LRP1B: variants seen among roughly 807,000 people sequenced by gnomAD.
The protein encoded by LRP1B is LDL receptor related protein 1B.
Under a neutral mutation model 556.6 loss-of-function variants are expected in LRP1B, and 217 were observed. The ratio of observed to expected loss-of-function variants is 0.39; its 90% CI spans 0.35 to 0.44. The LOEUF (loss-of-function observed/expected upper bound fraction) is 0.44. Among genes scored for constraint, LRP1B ranks in the 20% least tolerant of loss-of-function variants. The pLI is 1.00. For synonymous variants in LRP1B, 2,047 were observed against 1,865.8 expected, an observed-to-expected ratio of 1.10 and a Z score of -2.50; for missense variants, 5,053 against 5,620.8, an observed-to-expected ratio of 0.90 and a Z score of 3.23.
chr2:141,762,172 T>C (rs1694578411), intron 2 of LRP1B, among the ~76,000 whole-genome samples: 1 of 152,010 alleles, frequency 6.6e-6, no homozygotes, highest in Non-Finnish European at 1.5e-5. Flanking sequence ...GAAAAATAAA[T>C]GACATTTTCT....
At chr2:140,867,551 C>G (rs2105152953) in intron 27 of LRP1B, 39 bp downstream of exon 27, 1 of 1,561,804 alleles carries the variant, frequency 6.4e-7, no homozygotes, top group East Asian at 2.3e-5. Flanking sequence ...GATGATAATA[C>G]TTTCTGGGTG....
At chr2:141,688,344 T>C (rs1691388662) in intron 2 of LRP1B, among the ~76,000 whole-genome samples, 1 of 151,938 alleles carries the variant, frequency 6.6e-6, no homozygotes, top group Middle Eastern at 3.2e-3. Context: ...AAGTACCCTA[T>C]ATGGACTTAC....
intron 23 of LRP1B, among the ~76,000 whole-genome samples, chr2:140,891,470 T>C (rs75863516): frequency 0.031 from 4,726 of 152,288 alleles, 231 homozygotes; most frequent in African/African-American, 0.11. Flanking sequence ...ATATTACTGT[T>C]ACAATGTTTT....
chr2:141,426,405 T>C (rs1220997970), intron 3 of LRP1B, among the ~76,000 whole-genome samples: 4 of 152,190 alleles, frequency 2.6e-5, no homozygotes. Flanking sequence ...GTATAAAAAT[T>C]TTAACTGAAA....
At chr2:141,875,346 C>T (rs1698723684) in intron 1 of LRP1B, among the ~76,000 whole-genome samples, 1 of 151,748 alleles carries the variant, frequency 6.6e-6, no homozygotes, top group African/African-American at 2.4e-5. Context: ...TTTGACAAAG[C>T]TTGTTTTTCT....
At position 140,869,458 on chromosome 2, in the gene LRP1B, G is replaced by A. The variant is rs375151080; in HGVS notation, c.4170-1195C>T. ...ATGAGACAGTATATCTGTCTAATCA[G>A]TATATACACAGGATATACTGTACCA... is the stretch of plus-strand genomic sequence containing the variant. On this transcript the variant is annotated intron_variant, in intron 25 of 90. Coordinates refer to ENST00000389484, the MANE Select transcript of LRP1B (RefSeq NM_018557.3). Among the ~76,000 whole-genome samples, 32 of 152,224 alleles carry A rather than the reference G, an allele frequency of 2.1e-4. No individual in the cohort carries two copies. In the South Asian group the frequency reaches 6.6e-3, roughly 32 times the overall value.
chr2:140,289,075 A>C (rs1330808614), intron 84 of LRP1B, among the ~76,000 whole-genome samples: 1 of 151,964 alleles, frequency 6.6e-6, no homozygotes, highest in South Asian at 2.1e-4. Flanking sequence ...GCATTCTTAA[A>C]ATTTTTTTAT....
intron 2 of LRP1B, among the ~76,000 whole-genome samples, chr2:141,563,862 G>A (rs998208690): frequency 6.6e-6 from 1 of 151,956 alleles, no homozygotes; most frequent in South Asian, 2.1e-4. Flanking sequence ...ATAGTCACTG[G>A]GGACTCATGG....
At chr2:140,642,949 C>A (rs911107872) in intron 41 of LRP1B, among the ~76,000 whole-genome samples, 1 of 152,162 alleles carries the variant, frequency 6.6e-6, no homozygotes, top group African/African-American at 2.4e-5. Context: ...CACATATATA[C>A]AAACATAAAT....
intron 2 of LRP1B, among the ~76,000 whole-genome samples, chr2:141,578,200 C>A (rs138807082): frequency 0.013 from 1,968 of 152,132 alleles, 30 homozygotes; most frequent in Middle Eastern, 0.044. Flanking sequence ...TTGAGACCAA[C>A]CTGAACAACA....
At chr2:141,222,104 GA>G (rs1391809113) in intron 6 of LRP1B, among the ~76,000 whole-genome samples, 1 of 151,458 alleles carries the variant, frequency 6.6e-6, no homozygotes, top group Non-Finnish European at 1.5e-5. Context: ...AAATGGACAT[GA>G]AAAACCCTTG....
Position 141,177,589 on chromosome 2 carries a change from T to C in LRP1B, c.1013+10832A>G, listed in dbSNP as rs1041599466. Among the ~76,000 whole-genome samples the C allele has an allele frequency of 1.3e-5, 2 of 152,270 alleles. 1 individual carries two copies. The highest frequency in any genetic ancestry group is 4.1e-4 in the South Asian group (2 of 4,834). Reference sequence around the variant, plus strand: ...AAGTTTAAAAGCACAATATTAATAGTTGTATTAGTTACTATGTGATTGCTT... The same window carrying C: ...AAGTTTAAAAGCACAATATTAATAGCTGTATTAGTTACTATGTGATTGCTT... On this transcript the variant is annotated intron_variant, in intron 7 of 90. Transcript: ENST00000389484.
At chr2:140,309,991 C>T (rs1684229836) in intron 83 of LRP1B, among the ~76,000 whole-genome samples, 1 of 151,720 alleles carries the variant, frequency 6.6e-6, no homozygotes, top group South Asian at 2.1e-4. Context: ...AGTCAAAGGG[C>T]ATTGACAACT....
At chr2:141,317,569 G>A (rs958616527) in intron 3 of LRP1B, among the ~76,000 whole-genome samples, 1 of 152,074 alleles carries the variant, frequency 6.6e-6, no homozygotes, top group African/African-American at 2.4e-5. Flanking sequence ...TTGGGGTTGA[G>A]GTGGGAGACA....
rs1329628646 is a variant in LRP1B, at chr2:140,323,874, C to T, written c.12514+19G>A. 1 of 1,264,974 alleles carries T rather than the reference C, an allele frequency of 7.9e-7. No homozygotes were observed. The highest frequency in any genetic ancestry group is 1.1e-6 in the Non-Finnish European group (1 of 885,864). 78.4% of individuals were successfully genotyped at this position (1,264,974 alleles called of 1,614,324 possible). A position where few individuals can be genotyped will look rare whatever the true frequency, so the allele number is the denominator to read the frequency against. ...AATAATTTACCAATATAGACAACTT[C>T]ATAATATATTATACTTACAATCTAG... On this transcript the variant is annotated intron_variant, in intron 81 of 90. Transcript: ENST00000389484.
rs144208953 is a variant in LRP1B at position 141,894,228 on chromosome 2, T to G, written c.83-83827A>C. 4.0e-4 allele frequency among the ~76,000 whole-genome samples: 61 copies of G among 152,292 alleles called. No homozygotes were observed. The East Asian group carries it at 0.012, about 29-fold the overall frequency. On this transcript the variant is annotated intron_variant, in intron 1 of 90. Coordinates refer to ENST00000389484, the MANE Select transcript of LRP1B (RefSeq NM_018557.3). ...CAATTCGTTAACAGATATTAGGATT[T>G]ATGCCTGTATTTGTATTTCCCGAAC...
chr2:141,323,063 G>A (rs1476020107), intron 3 of LRP1B, among the ~76,000 whole-genome samples: 1 of 152,050 alleles, frequency 6.6e-6, no homozygotes, highest in East Asian at 1.9e-4. Flanking sequence ...GAAAAGGAGT[G>A]TTATTCTGGA....
At chr2:141,493,828 A>G (rs1261843973) in intron 2 of LRP1B, among the ~76,000 whole-genome samples, 1 of 152,156 alleles carries the variant, frequency 6.6e-6, no homozygotes, top group Non-Finnish European at 1.5e-5. Context: ...AGTAAATCCT[A>G]ACTATGGGCA....
intron 84 of LRP1B, among the ~76,000 whole-genome samples, chr2:140,282,725 T>G (rs1404617001): frequency 6.6e-6 from 1 of 151,812 alleles, no homozygotes; most frequent in East Asian, 1.9e-4. Context: ...TTCTCACACC[T>G]GAGCTGAAGG....
Sources: gnomAD v4.1 joint callset for allele counts (sites outside exome capture counted in the v4.1 genomes callset) on GRCh38, gnomAD v4.1.1 for gene constraint, MANE v1.5 for transcripts, NCBI Gene and HGNC (gene_info 2026-07-23, HGNC 2026-07-21) for gene names.